Variants in ZFHX4 observed in about 807,000 individuals in gnomAD.
ZFHX4 encodes zinc finger homeobox protein 4.
Under a neutral mutation model 267.6 loss-of-function variants are expected in ZFHX4, and 56 were observed. That is an observed-to-expected ratio of 0.21 (90% confidence interval 0.17 to 0.26). ZFHX4 has a LOEUF of 0.26. Among genes scored for constraint, ZFHX4 ranks in the 10% least tolerant of loss-of-function variants. The pLI, the probability that ZFHX4 is intolerant of heterozygous loss-of-function variation, is 1.00. For missense variants in ZFHX4, 4,332 were observed against 4,420.0 expected, an observed-to-expected ratio of 0.98 and a Z score of 0.56; for synonymous variants, 1,778 against 1,665.6, an observed-to-expected ratio of 1.07 and a Z score of -1.64.
At chr8:76,857,391 C>CA (rs1384741723) in intron 10 of ZFHX4, among the ~76,000 whole-genome samples, 29 of 145,124 alleles carry the variant, frequency 2.0e-4, no homozygotes, top group Non-Finnish European at 1.5e-4. Context: ...TCTACATTTA[C>CA]AAAAAATAAG....
At chr8:76,785,380 T>C (rs548137812) in intron 4 of ZFHX4, among the ~76,000 whole-genome samples, 86 of 152,104 alleles carry the variant, frequency 5.7e-4, no homozygotes, top group Non-Finnish European at 9.6e-4. Context: ...CACCCTATAA[T>C]GGAAATCGGT....
At chr8:76,803,594 C>T (rs930818559) in intron 4 of ZFHX4, among the ~76,000 whole-genome samples, 1 of 152,076 alleles carries the variant, frequency 6.6e-6, no homozygotes, top group African/African-American at 2.4e-5. Flanking sequence ...TGTCTATCCT[C>T]AGCTGAATTA....
chr8:76,687,798 A>G (rs1318189264), intron 1 of ZFHX4, among the ~76,000 whole-genome samples: 3 of 152,212 alleles, frequency 2.0e-5, no homozygotes, highest in Non-Finnish European at 4.4e-5. Flanking sequence ...TTTTCAGTTG[A>G]AGGAATGGGG....
intron 4 of ZFHX4, among the ~76,000 whole-genome samples, chr8:76,789,137 T>G (rs1304949894): frequency 6.6e-6 from 1 of 152,186 alleles, no homozygotes; most frequent in African/African-American, 2.4e-5. Context: ...ATTGTGAAAG[T>G]CCTCAAAAGA....
intron 4 of ZFHX4, among the ~76,000 whole-genome samples, chr8:76,813,275 G>C (rs933157926): frequency 1.3e-5 from 2 of 151,948 alleles, no homozygotes; most frequent in Admixed American, 6.6e-5. Context: ...TTTTCTAAAG[G>C]CACCTTTTTC....
At chr8:76,725,846 T>G (rs1318029805) in intron 3 of ZFHX4, among the ~76,000 whole-genome samples, 4 of 152,154 alleles carry the variant, frequency 2.6e-5, no homozygotes, top group African/African-American at 9.7e-5. Flanking sequence ...CAAGGACATT[T>G]CGAAGTCATA....
chr8:76,746,099 T>C (rs1011308895), intron 3 of ZFHX4, among the ~76,000 whole-genome samples: 2 of 152,224 alleles, frequency 1.3e-5, no homozygotes, highest in Non-Finnish European at 2.9e-5. Flanking sequence ...ATTTGGTGTA[T>C]AAATTGCTTT....
At chr8:76,726,129 T>A (rs1473822793) in intron 3 of ZFHX4, among the ~76,000 whole-genome samples, 2 of 152,118 alleles carry the variant, frequency 1.3e-5, no homozygotes, top group Non-Finnish European at 1.5e-5. Context: ...TTAAGATACA[T>A]TAGTCCTAAT....
At chr8:76,797,596 G>T (rs1050445054) in intron 4 of ZFHX4, among the ~76,000 whole-genome samples, 3 of 152,144 alleles carry the variant, frequency 2.0e-5, no homozygotes, top group African/African-American at 7.2e-5. Context: ...ACAATATTTA[G>T]TCAGCCCTTT....
intron 4 of ZFHX4, among the ~76,000 whole-genome samples, chr8:76,784,166 G>A (rs1216565803): frequency 6.6e-6 from 1 of 151,912 alleles, no homozygotes; most frequent in African/African-American, 2.4e-5. Flanking sequence ...ATATATAATT[G>A]TAGAATTGAT....
intron 6 of ZFHX4, among the ~76,000 whole-genome samples, chr8:76,847,867 A>G (rs1374605212): frequency 6.6e-6 from 1 of 152,112 alleles, no homozygotes; most frequent in South Asian, 2.1e-4. Context: ...AAAAAAATCA[A>G]GATAAATCTT....
intron 4 of ZFHX4, among the ~76,000 whole-genome samples, chr8:76,795,449 AT>A (rs1328900424): frequency 1.3e-5 from 2 of 149,872 alleles, no homozygotes; most frequent in Non-Finnish European, 3.0e-5. Context: ...AATTATTTTT[AT>A]TTTTTGTAGA....
Position 76,863,532 on chromosome 8 carries a change from AT to A in ZFHX4, c.9822del (p.Phe3274LeufsTer79). ...TACTTTATCCCTGGGTTTGCTTCTT[AT>A]TTTACACCTCAGCTCCCTGGAACAG... ...LPYFIPGFAS[Y>X]FTPQLPGTVQ... On this transcript the variant is annotated frameshift_variant, in exon 11 of 11. Transcript: ENST00000651372. LOFTEE classifies it high-confidence loss of function. 1 of 1,613,402 alleles carries A rather than the reference AT, an allele frequency of 6.2e-7. No homozygotes were observed. The highest frequency in any genetic ancestry group is 8.5e-7 in the Non-Finnish European group (1 of 1,179,714).
intron 1 of ZFHX4, 139 bp downstream of exon 1, chr8:76,681,759 C>A: frequency 3.1e-6 from 1 of 319,778 alleles, no homozygotes. Context: ...TCCTCTCTAC[C>A]CCTACCTCGC....
At chr8:76,804,547 T>G (rs982296923) in intron 4 of ZFHX4, among the ~76,000 whole-genome samples, 6 of 152,008 alleles carry the variant, frequency 3.9e-5, no homozygotes, top group Admixed American at 6.6e-5. Context: ...AAGAGAAAAA[T>G]ACATATATAT....
intron 4 of ZFHX4, among the ~76,000 whole-genome samples, chr8:76,820,726 G>C (rs935815261): frequency 6.6e-6 from 1 of 152,204 alleles, no homozygotes; most frequent in African/African-American, 2.4e-5. Flanking sequence ...AAGTGTTTAT[G>C]TTCCATAGGG....
At chr8:76,810,361 G>A (rs1811346794) in intron 4 of ZFHX4, among the ~76,000 whole-genome samples, 1 of 152,164 alleles carries the variant, frequency 6.6e-6, no homozygotes, top group South Asian at 2.1e-4. Flanking sequence ...TTGTCTGATA[G>A]AGCTGGCCAG....
intron 4 of ZFHX4, among the ~76,000 whole-genome samples, chr8:76,803,891 A>G (rs1014164545): frequency 1.3e-5 from 2 of 152,146 alleles, no homozygotes; most frequent in African/African-American, 4.8e-5. Flanking sequence ...TAAATATTTT[A>G]TATTCACATT....
At chr8:76,739,890 T>A (rs1809270031) in intron 3 of ZFHX4, among the ~76,000 whole-genome samples, 2 of 152,190 alleles carry the variant, frequency 1.3e-5, no homozygotes, top group African/African-American at 4.8e-5. Flanking sequence ...GTCTTCTTCT[T>A]ACCTCCTGAA....
Sources: gnomAD v4.1 joint callset for allele counts (sites outside exome capture counted in the v4.1 genomes callset) on GRCh38, gnomAD v4.1.1 for gene constraint, MANE v1.5 for transcripts, NCBI Gene and HGNC (gene_info 2026-07-23, HGNC 2026-07-21) for gene names.